ZBTB49: variants seen among roughly 807,000 people sequenced by gnomAD.
ZBTB49 encodes the protein zinc finger and BTB domain containing 49.
A neutral mutation model predicts 57.5 loss-of-function variants in ZBTB49; 43 were observed. The observed-to-expected ratio is 0.75, with a 90% CI of 0.59 to 0.97. The LOEUF is 0.97. Ranked by LOEUF, ZBTB49 falls within the 50% of genes least tolerant of loss-of-function variation. The probability of loss-of-function intolerance (pLI) is 0.00; values close to 1 mark genes in which losing one functional copy is unlikely to be tolerated. For synonymous variants in ZBTB49, 369 were observed against 362.1 expected, an observed-to-expected ratio of 1.02 and a Z score of -0.22; for missense variants, 938 against 947.7, an observed-to-expected ratio of 0.99 and a Z score of 0.13.
At chr4:4,292,595 T>C (rs1004180966) in intron 1 of ZBTB49, among the ~76,000 whole-genome samples, 3 of 152,172 alleles carry the variant, frequency 2.0e-5, no homozygotes, top group African/African-American at 7.2e-5. Context: ...AGCATAAAGC[T>C]AAGACAAGAT....
chr4:4,297,378 C>A (rs143393461), intron 1 of ZBTB49, among the ~76,000 whole-genome samples: 90 of 152,206 alleles, frequency 5.9e-4, no homozygotes, highest in East Asian at 1.2e-3. Flanking sequence ...CTGGGTTCAG[C>A]CTTCTTAGTG....
intron 4 of ZBTB49, among the ~76,000 whole-genome samples, chr4:4,309,277 G>A (rs112856657): frequency 0.017 from 2,526 of 152,254 alleles, 63 homozygotes; most frequent in African/African-American, 0.057. Context: ...GCATCTGTCC[G>A]TGTGACTGGA....
intron 1 of ZBTB49, among the ~76,000 whole-genome samples, chr4:4,295,964 A>G (rs1210126722): frequency 6.6e-6 from 1 of 152,228 alleles, no homozygotes; most frequent in African/African-American, 2.4e-5. Flanking sequence ...CTGAAGCTAA[A>G]GTTTCAAATT....
intron 2 of ZBTB49, among the ~76,000 whole-genome samples, chr4:4,300,307 G>A (rs970142795): frequency 6.6e-6 from 1 of 152,094 alleles, no homozygotes; most frequent in African/African-American, 2.4e-5. Flanking sequence ...AAGAAAAGAG[G>A]CTCTTAAGTA....
chr4:4,311,528 A>G (rs1189943445), intron 4 of ZBTB49, among the ~76,000 whole-genome samples: 3 of 152,230 alleles, frequency 2.0e-5, no homozygotes, highest in East Asian at 3.8e-4. Flanking sequence ...AGGTTTCCCC[A>G]CAAGTAGAGG....
intron 3 of ZBTB49, among the ~76,000 whole-genome samples, chr4:4,305,496 G>GT (rs888458608): frequency 1.3e-5 from 2 of 152,152 alleles, no homozygotes; most frequent in Admixed American, 6.5e-5. Flanking sequence ...AACAGCTGTG[G>GT]TTTTTTTGTA....
intron 1 of ZBTB49, among the ~76,000 whole-genome samples, chr4:4,291,158 AG>A (rs1264261976): frequency 6.6e-6 from 1 of 152,234 alleles, no homozygotes; most frequent in Non-Finnish European, 1.5e-5. Context: ...TTAGTTTGCT[AG>A]GACTGCAAAC....
rs1383564605 is a variant in ZBTB49, at chr4:4,299,806, T to TGA, written c.-19-120_-19-119insAG. The TGA allele has an allele frequency of 4.1e-6, 3 of 736,608 alleles. No homozygotes were observed. In the African/African-American group the frequency reaches 5.6e-5, roughly 14 times the overall value. 45.6% of individuals were successfully genotyped at this position (736,608 alleles called of 1,614,324 possible). On this transcript the variant is annotated intron_variant, in intron 1 of 7. Coordinates refer to ENST00000337872, the MANE Select transcript of ZBTB49 (RefSeq NM_145291.4). Reference sequence around the variant, plus strand: ...GTGTGTGTGTGTGTGTGTGTGTGTGTGTGTGAGAGAGAAACTGTGATGAGA... The same window carrying TGA: ...GTGTGTGTGTGTGTGTGTGTGTGTGTGAGTGTGAGAGAGAAACTGTGATGAGA...
chr4:4,321,454 C>T lies in ZBTB49; in HGVS notation c.*138C>T. On this transcript the variant is annotated 3_prime_UTR_variant, in exon 8 of 8. Transcript: ENST00000337872. Reference sequence around the variant, plus strand: ...GGTAGCTTCCCTCCTGATGATGGCTCATAATCTGAAGCATCTTGAGCTGGG... The same window carrying T: ...GGTAGCTTCCCTCCTGATGATGGCTTATAATCTGAAGCATCTTGAGCTGGG... The T allele has an allele frequency of 1.1e-6, 1 of 935,624 alleles. No individual in the cohort carries two copies. The highest frequency in any genetic ancestry group is 2.6e-5 in the East Asian group (1 of 37,760). 58.0% of individuals were successfully genotyped at this position (935,624 alleles called of 1,614,324 possible).
rs1302636731 is a variant in ZBTB49, at chr4:4,320,761, C to CAAG, written c.1748_1750dup (p.Lys583dup). The CAAG allele has an allele frequency of 1.4e-5, 23 of 1,614,104 alleles. No homozygotes were observed. Among genetic ancestry groups the CAAG allele is most frequent in the Non-Finnish European group, 1.9e-5 (22 of 1,180,056 alleles). On this transcript the variant is annotated inframe_insertion, in exon 8 of 8. Transcript: ENST00000337872. Reference sequence around the variant, plus strand: ...CCCGCTCTGCGGTGCTCCGGCGGCACAAGAAGATGCACTGCAAAGCTGGTG... The same window carrying CAAG: ...CCCGCTCTGCGGTGCTCCGGCGGCACAAGAAGAAGATGCACTGCAAAGCTGGTG...
chr4:4,306,310 C>G, intron 4 of ZBTB49, 126 bp downstream of exon 4: 1 of 777,034 alleles, frequency 1.3e-6, no homozygotes, highest in East Asian at 2.6e-5. Context: ...TTAAAGACTT[C>G]AGAATAAATT....
intron 7 of ZBTB49, among the ~76,000 whole-genome samples, chr4:4,316,294 A>C (rs959080103): frequency 4.6e-5 from 7 of 152,140 alleles, no homozygotes; most frequent in East Asian, 3.9e-4. Context: ...GCTGCACATG[A>C]AGGAGAGCAG....
chr4:4,305,544 C>T (rs1262102632), intron 3 of ZBTB49, among the ~76,000 whole-genome samples: 7 of 152,266 alleles, frequency 4.6e-5, no homozygotes, highest in Admixed American at 2.0e-4. Context: ...TGTCCCCAAG[C>T]GCAGTTACTT....
intron 7 of ZBTB49, among the ~76,000 whole-genome samples, chr4:4,317,774 C>G (rs1721249575): frequency 6.6e-6 from 1 of 152,134 alleles, no homozygotes; most frequent in Non-Finnish European, 1.5e-5. Context: ...CTTATGCGTG[C>G]TGGGCTTCGT....
At chr4:4,320,117 T>C (rs750271811) in intron 7 of ZBTB49, among the ~76,000 whole-genome samples, 2 of 152,026 alleles carry the variant, frequency 1.3e-5, no homozygotes, top group Non-Finnish European at 2.9e-5. Flanking sequence ...AAATTATAGA[T>C]TGGCTGTGTT....
At chr4:4,293,341 G>C (rs1720033306) in intron 1 of ZBTB49, among the ~76,000 whole-genome samples, 1 of 152,236 alleles carries the variant, frequency 6.6e-6, no homozygotes, top group Admixed American at 6.5e-5. Context: ...GAATTGTGCA[G>C]TTCCTTAATG....
At chr4:4,294,361 A>G (rs986733297) in intron 1 of ZBTB49, among the ~76,000 whole-genome samples, 17 of 152,020 alleles carry the variant, frequency 1.1e-4, no homozygotes, top group African/African-American at 4.1e-4. Flanking sequence ...TGGAATAATA[A>G]TAATTATTAT....
chr4:4,303,770 GTC>G (rs1553805047), intron 3 of ZBTB49, among the ~76,000 whole-genome samples: 5 of 25,262 alleles, frequency 2.0e-4, no homozygotes, highest in South Asian at 1.8e-3. Context: ...CTGTGTGTGT[GTC>G]TCTCTCTCTC....
chr4:4,312,653 GTTTGT>G (rs573930464), intron 4 of ZBTB49, among the ~76,000 whole-genome samples: 99 of 152,318 alleles, frequency 6.5e-4, no homozygotes, highest in Non-Finnish European at 1.1e-3. Flanking sequence ...TGGTGCTTTT[GTTTGT>G]TTTAAGTGAT....
Sources: allele counts gnomAD v4.1 joint callset (sites outside exome capture counted in the v4.1 genomes callset), GRCh38; gene constraint gnomAD v4.1.1; transcripts MANE v1.5; gene names NCBI Gene and HGNC (gene_info 2026-07-23, HGNC 2026-07-21).